The following MLPH variants were observed in gnomAD, a reference collection of about 807,000 sequenced individuals.
The protein encoded by MLPH is melanophilin, also known as exophilin-3.
In MLPH, 51 loss-of-function variants were observed where a neutral mutation model predicts 72.1. That is an observed-to-expected ratio of 0.71 (90% confidence interval 0.56 to 0.89). MLPH has a LOEUF of 0.89. MLPH is among the 40% of genes least tolerant of loss of function. The pLI is 0.00. For synonymous variants in MLPH, 301 were observed against 310.1 expected (o/e 0.97, Z 0.31); for missense variants, 743 against 759.9 (o/e 0.98, Z 0.26).
chr2:237,517,753 A>ATGGATGGATGGATAAGTAAGTGGG (rs2080080922), intron 4 of MLPH, among the ~76,000 whole-genome samples: 4 of 126,408 alleles, frequency 3.2e-5, no homozygotes, highest in African/African-American at 1.2e-4. Context: ...GGATGGATGG[A>ATGGATGGATGGATAAGTAAGTGGG]TGGATGGATG....
chr2:237,527,235 G>T, intron 7 of MLPH, 142 bp from the exon 8 acceptor site: 1 of 1,023,978 alleles, frequency 9.8e-7, no homozygotes, highest in South Asian at 1.3e-5. Context: ...TTCTTATTGT[G>T]ACTTTGGAAC....
At chr2:237,507,303 G>A (rs1290808834) in intron 2 of MLPH, 1 of 152,098 alleles carries the variant, frequency 6.6e-6, no homozygotes, top group Non-Finnish European at 1.5e-5. Flanking sequence ...CTGACCTCAA[G>A]TGATCTGCCT....
At chr2:237,524,621 C>T (rs2080262372) in intron 6 of MLPH, among the ~76,000 whole-genome samples, 2 of 152,174 alleles carry the variant, frequency 1.3e-5, no homozygotes, top group Admixed American at 1.3e-4. Context: ...TCTCCTTTGG[C>T]AACACCCTCA....
At position 237,542,363 on chromosome 2, in the gene MLPH, C is replaced by G. The variant is rs555673411; in HGVS notation, c.1447-204C>G. ...GCCTGGGGTGACCCATAAGGAACAC[C>G]CCCCCCTTCTCAACAACCACAGAAG... On this transcript the variant is annotated intron_variant, in intron 11 of 15. Coordinates refer to ENST00000264605, the MANE Select transcript of MLPH (RefSeq NM_024101.7). 3.9e-5 allele frequency among the ~76,000 whole-genome samples: 6 copies of G among 152,096 alleles called. No homozygotes were observed. The East Asian group carries it at 9.7e-4, about 25-fold the overall frequency.
upstream of MLPH, chr2:237,487,109 G>A (rs1423247120): frequency 6.6e-6 from 1 of 152,218 alleles, no homozygotes; most frequent in African/African-American, 2.4e-5. Context: ...CCCCGCACTG[G>A]CGCTTCCCGC....
rs140724962 is a variant in MLPH, at chr2:237,527,221, C to A, written c.881-156C>A. On this transcript the variant is annotated intron_variant, in intron 7 of 15. Transcript: ENST00000264605. ...CTTTGTGTGTGGCTGTGGAATCTGC[C>A]CCATTCTTATTGTGACTTTGGAACC... The A allele has an allele frequency of 3.4e-6, 3 of 883,146 alleles. No individual in the cohort carries two copies. In the African/African-American group the frequency reaches 4.9e-5, roughly 14 times the overall value. 54.7% of individuals were successfully genotyped at this position (883,146 alleles called of 1,614,324 possible).
At chr2:237,533,390 C>CTTTTTTTTTTTTTTTTT (rs746139615) in intron 8 of MLPH, among the ~76,000 whole-genome samples, 40 of 108,004 alleles carry the variant, frequency 3.7e-4, no homozygotes, top group South Asian at 6.2e-4. Context: ...ATTTTCTTTT[C>CTTTTTTTTTTTTTTTTT]TTTTTTTTTT....
In MLPH at chr2:237,510,949, G is replaced by A. The variant is rs755804883; in HGVS notation, c.333-40G>A. The stretch of plus-strand genomic sequence containing the variant: ...TGAGATTTATGCAGGCCTGTGTACA[G>A]CACTCAGGCAGTGCCATGAGCCTGT... On this transcript the variant is annotated intron_variant, in intron 3 of 15. Coordinates refer to ENST00000264605, the MANE Select transcript of MLPH (RefSeq NM_024101.7). This position sits in a 1 kb window ranked among gnomAD's most constrained non-coding sequence, Gnocchi z 4.4. The A allele has an allele frequency of 6.4e-7, 1 of 1,564,904 alleles. No homozygotes were observed. Among genetic ancestry groups the A allele is most frequent in the Non-Finnish European group, 8.8e-7 (1 of 1,136,250 alleles).
At position 237,534,663 on chromosome 2, in the gene MLPH, G is replaced by A. The variant is rs766475407; in HGVS notation, c.1104+16G>A. On this transcript the variant is annotated intron_variant, in intron 9 of 15. Transcript: ENST00000264605. ...CTTGGCCAAGGTAACACTGGGGGCT[G>A]GGCAAAGAGAAAGGGCCCCCACAGC... 1.2e-6 allele frequency: 2 copies of A among 1,608,426 alleles called. No individual in the cohort carries two copies. Among genetic ancestry groups the A allele is most frequent in the East Asian group, 2.2e-5 (1 of 44,834 alleles).
intron 7 of MLPH, among the ~76,000 whole-genome samples, chr2:237,526,695 G>A (rs1171747905): frequency 6.6e-6 from 1 of 152,098 alleles, no homozygotes; most frequent in Non-Finnish European, 1.5e-5. Flanking sequence ...TCTGAGTTTG[G>A]AGCCTCACTC....
intron 8 of MLPH, among the ~76,000 whole-genome samples, chr2:237,529,109 C>G (rs958525811): frequency 6.6e-6 from 1 of 151,988 alleles, no homozygotes; most frequent in Non-Finnish European, 1.5e-5. Flanking sequence ...GTGGAGCAAT[C>G]TCGGCTCACT....
At chr2:237,526,270 TCC>T (rs1478143603) in intron 7 of MLPH, among the ~76,000 whole-genome samples, 1 of 152,066 alleles carries the variant, frequency 6.6e-6, no homozygotes, top group Non-Finnish European at 1.5e-5. Context: ...TGAAATGAAA[TCC>T]CCAAAGCTCT....
chr2:237,493,711 A>T (rs1025329176), intron 2 of MLPH, among the ~76,000 whole-genome samples, 175 bp downstream of exon 2: 5 of 152,164 alleles, frequency 3.3e-5, no homozygotes, highest in African/African-American at 1.2e-4. Flanking sequence ...CAATGAGAGG[A>T]TCTGACTTGC....
intron 2 of MLPH, among the ~76,000 whole-genome samples, chr2:237,496,792 G>A (rs2079545302): frequency 6.6e-6 from 1 of 152,342 alleles, no homozygotes; most frequent in Middle Eastern, 3.4e-3. Context: ...TGTTGAAAAT[G>A]TCAGTGAGCA....
At chr2:237,521,128 T>G (rs1396441739) in intron 6 of MLPH, among the ~76,000 whole-genome samples, 3 of 152,206 alleles carry the variant, frequency 2.0e-5, no homozygotes, top group African/African-American at 7.2e-5. Flanking sequence ...AGATGCTTAA[T>G]TGAGTTAATT....
intron 2 of MLPH, among the ~76,000 whole-genome samples, chr2:237,497,734 A>G (rs2079564326): frequency 6.6e-6 from 1 of 152,220 alleles, no homozygotes; most frequent in Non-Finnish European, 1.5e-5. Context: ...GTCTTTCATC[A>G]TTGCTAATCT....
chr2:237,534,588 T>C lies in MLPH; in HGVS notation c.1045T>C (p.Ser349Pro), dbSNP rs1451319636. The stretch of plus-strand genomic sequence containing the variant: ...GATCTTTGAGCTGAATAAGCATATT[T>C]CAGCTGTGGAATGCCTGCTGACCTA... ...SQIFELNKHI[S>P]AVECLLTYLE... Residue 349 changes from serine (S) to proline (P), a missense_variant, in exon 9 of 16, where the codon TCA (serine) becomes CCA (proline). Ser to Pro is a moderately conservative substitution (Grantham distance 74). Transcript: ENST00000264605. 22 of 1,613,740 alleles carry C rather than the reference T, an allele frequency of 1.4e-5. No individual in the cohort carries two copies. The Admixed American group carries it at 3.7e-4, about 27-fold the overall frequency.
chr2:237,539,312 C>T (rs964794784), intron 9 of MLPH, among the ~76,000 whole-genome samples: 1 of 152,208 alleles, frequency 6.6e-6, no homozygotes, highest in Non-Finnish European at 1.5e-5. Context: ...AGACCGATCC[C>T]GGGGGCCTCG....
intron 9 of MLPH, among the ~76,000 whole-genome samples, chr2:237,536,618 C>T (rs1574887776): frequency 6.6e-6 from 1 of 152,188 alleles, no homozygotes; most frequent in South Asian, 2.1e-4. Flanking sequence ...CCATCGGACC[C>T]CATGTCCCAT....
Sources: allele counts gnomAD v4.1 joint callset (sites outside exome capture counted in the v4.1 genomes callset), GRCh38; gene constraint gnomAD v4.1.1; non-coding constraint Gnocchi (gnomAD v3.1); transcripts MANE v1.5; gene names NCBI Gene and HGNC (gene_info 2026-07-23, HGNC 2026-07-21).